ZBTB11: variants seen among roughly 807,000 people sequenced by gnomAD.
ZBTB11 encodes zinc finger and BTB domain-containing protein 11.
ZBTB11 carries 68 observed loss-of-function variants against 113.1 expected under a neutral mutation model. That is an observed-to-expected ratio of 0.60 (90% confidence interval 0.49 to 0.74). ZBTB11 has a LOEUF of 0.74. Among genes scored for constraint, ZBTB11 ranks in the 30% least tolerant of loss-of-function variants. The pLI, the probability that ZBTB11 is intolerant of heterozygous loss-of-function variation, is 0.00. For synonymous variants in ZBTB11, 518 were observed against 452.6 expected (o/e 1.14, Z -1.83); for missense variants, 1,104 against 1,279.4 (o/e 0.86, Z 2.09).
rs753040977 is a variant in ZBTB11, at chr3:101,665,269, T to C, written c.1318A>G (p.Lys440Glu). 6.2e-6 allele frequency: 10 copies of C among 1,614,246 alleles called. No homozygotes were observed. The highest frequency in any genetic ancestry group is 8.5e-6 in the Non-Finnish European group (10 of 1,180,032). Reference protein sequence around the residue: ...ENNTVSNIHPKLSKENVISSS... With the variant: ...ENNTVSNIHPELSKENVISSS... ...CTAATTACATTCTCTTTTGAAAGTTTAGGGTGTATATTAGAAACTGTGTTA... is the reference window on the plus strand; with the variant it reads ...CTAATTACATTCTCTTTTGAAAGTTCAGGGTGTATATTAGAAACTGTGTTA... The change falls in exon 4 of 11, where the codon AAA becomes GAA. Residue 440 changes from lysine (K) to glutamate (E), a missense_variant. Lys to Glu is a moderately conservative substitution (Grantham distance 56). Around this residue, in one of 5 missense-constraint regions of ZBTB11, gnomAD observed 535 missense variants for 518.6 expected, o/e 1.03. Coordinates refer to ENST00000312938, the MANE Select transcript of ZBTB11 (RefSeq NM_014415.4).
In ZBTB11 at chr3:101,677,089, A is replaced by G; in HGVS notation, c.-175T>C. On this transcript the variant is annotated 5_prime_UTR_variant, in exon 1 of 11. Transcript: ENST00000312938. ...AGGAAAAGCGGGCGAGTTGGTAACC[A>G]GGGGGAACTGCACTTCTCCAGCGCG... 1 of 689,124 alleles carries G rather than the reference A, an allele frequency of 1.5e-6. No individual in the cohort carries two copies. The highest frequency in any genetic ancestry group is 2.3e-6 in the Non-Finnish European group (1 of 438,496). 42.7% of individuals were successfully genotyped at this position (689,124 alleles called of 1,614,324 possible). A position where few individuals can be genotyped will look rare whatever the true frequency, so the allele number is the denominator to read the frequency against.
At position 101,676,879 on chromosome 3, in the gene ZBTB11, A is replaced by G; in HGVS notation, c.36T>C (p.Arg12=). 6.2e-7 allele frequency: 1 copy of G among 1,602,062 alleles called. No homozygotes were observed. Residue 12 remains arginine, a synonymous_variant, in exon 1 of 11, where the codon CGT becomes CGC. Coordinates refer to ENST00000312938, the MANE Select transcript of ZBTB11 (RefSeq NM_014415.4). ...SSEESYRAIL[R]YLTNEREPYA... is the part of the protein sequence containing the mutation. The stretch of plus-strand genomic sequence containing the variant: ...ACGGCTCGCGCTCGTTCGTCAGGTA[A>G]CGCAGGATGGCCCGGTAGCTTTCCT...
Position 101,671,241 on chromosome 3 carries a change from C to T in ZBTB11, c.667G>A (p.Glu223Lys), listed in dbSNP as rs1367642489. ...ACAGATTTATGAGCTTTGTACTCTT[C>T]TCCTTCAATTAACAAAGTAACATCA... ...FCDVTLLIEG[E>K]EYKAHKSVLS... The change falls in exon 3 of 11, where the codon GAA becomes AAA. Residue 223 changes from glutamate to lysine, a missense_variant. Physicochemically the swap from Glu to Lys is moderately conservative, Grantham distance 56. Coordinates refer to ENST00000312938, the MANE Select transcript of ZBTB11 (RefSeq NM_014415.4). 1 of 1,614,160 alleles carries T rather than the reference C, an allele frequency of 6.2e-7. No individual in the cohort carries two copies. The highest frequency in any genetic ancestry group is 2.2e-5 in the East Asian group (1 of 44,874).
rs939265305 is a variant in ZBTB11, at chr3:101,670,120, G to A, written c.778+1010C>T. ...TGGGATTACAGGCAGGAGCCACTGC[G>A]CCTGGCCGTTATTATTGCTTTCTAT... On this transcript the variant is annotated intron_variant, in intron 3 of 10. Transcript: ENST00000312938. 8.5e-5 allele frequency among the ~76,000 whole-genome samples: 13 copies of A among 152,280 alleles called. No homozygotes were observed. In the East Asian group the frequency reaches 1.5e-3, roughly 18 times the overall value.
At chr3:101,657,156 AC>A (rs1165950395) in intron 6 of ZBTB11, among the ~76,000 whole-genome samples, 15 of 149,760 alleles carry the variant, frequency 1.0e-4, no homozygotes, top group African/African-American at 3.4e-4. Context: ...AAAAAAAAAA[AC>A]AAAAAACCCA....
rs750589853 is a variant in ZBTB11, at chr3:101,659,882, C to T, written c.1947G>A (p.Arg649=). 16 of 1,614,046 alleles carry T rather than the reference C, an allele frequency of 9.9e-6. No homozygotes were observed. In the South Asian group the frequency reaches 1.4e-4, roughly 14 times the overall value. The change falls in exon 6 of 11, where the codon CGG becomes CGA. Residue 649 remains arginine (R), a synonymous_variant. Transcript: ENST00000312938. Reference sequence around the variant, plus strand: ...TTCCACATATGGAACATATAAATTCCCGCTTGGTTCTGCCCTTCTCAGATG... The same window carrying T: ...TTCCACATATGGAACATATAAATTCTCGCTTGGTTCTGCCCTTCTCAGATG... ...GTSSEKGRTK[R]EFICSICGRT... is the part of the protein sequence containing the mutation.
At chr3:101,654,921 T>C (rs1311528186) in intron 7 of ZBTB11, 100 bp from the exon 8 acceptor site, 13 of 851,168 alleles carry the variant, frequency 1.5e-5, no homozygotes, top group Non-Finnish European at 2.3e-5. Context: ...TTGCCCAGGT[T>C]GGATGGAGTG....
In ZBTB11 at chr3:101,676,938, C is replaced by G; in HGVS notation, c.-24G>C. 6.5e-7 allele frequency: 1 copy of G among 1,542,752 alleles called. No individual in the cohort carries two copies. The highest frequency in any genetic ancestry group is 8.8e-7 in the Non-Finnish European group (1 of 1,141,416). On this transcript the variant is annotated 5_prime_UTR_variant, in exon 1 of 11. Coordinates refer to ENST00000312938, the MANE Select transcript of ZBTB11 (RefSeq NM_014415.4). The stretch of plus-strand genomic sequence containing the variant: ...ATCGCGGACCGCGGCTCCCTGAGGG[C>G]GCCTGTCAGGGACAGGTGAGGAAAA...
At position 101,676,708 on chromosome 3, in the gene ZBTB11, CT is replaced by C. The variant is rs1399609990; in HGVS notation, c.206del (p.Glu69GlyfsTer38). The C allele has an allele frequency of 1.3e-6, 2 of 1,597,972 alleles. No homozygotes were observed. The highest frequency in any genetic ancestry group is 1.7e-6 in the Non-Finnish European group (2 of 1,172,038). ...FAELEVVLQP[E>X]RRRDLIEAAH... ...CCGCCTCGATGAGGTCCCGGCGTCG[CT>C]CCGGCTGCAGCACCACCTCCAGCTC... is the stretch of plus-strand genomic sequence containing the variant. On this transcript the variant is annotated frameshift_variant, in exon 1 of 11. Coordinates refer to ENST00000312938, the MANE Select transcript of ZBTB11 (RefSeq NM_014415.4). LOFTEE classifies it high-confidence loss of function.
At position 101,659,827 on chromosome 3, in the gene ZBTB11, T is replaced by G. The variant is rs2108319182; in HGVS notation, c.2002A>C (p.Ile668Leu). ...ACACCTGTGTGCTTTAACATATGTA[T>G]TCGGAGAGAATATAATTTAGGTAAT... Reference protein sequence around the residue: ...RTLPKLYSLRIHMLKHTGVKP... With the variant: ...RTLPKLYSLRLHMLKHTGVKP... The change falls in exon 6 of 11, where the codon ATA (isoleucine) becomes CTA (leucine). Residue 668 changes from isoleucine to leucine, a missense_variant. Coordinates refer to ENST00000312938, the MANE Select transcript of ZBTB11 (RefSeq NM_014415.4). The G allele has an allele frequency of 6.2e-7, 1 of 1,614,222 alleles. No individual in the cohort carries two copies. The highest frequency in any genetic ancestry group is 2.2e-5 in the East Asian group (1 of 44,882).
chr3:101,671,249 A>G lies in ZBTB11; in HGVS notation c.659T>C (p.Ile220Thr). 1 of 1,614,178 alleles carries G rather than the reference A, an allele frequency of 6.2e-7. No homozygotes were observed. The highest frequency in any genetic ancestry group is 8.5e-7 in the Non-Finnish European group (1 of 1,180,002). Residue 220 changes from isoleucine (I) to threonine (T), a missense_variant, in exon 3 of 11, where the codon ATT (isoleucine) becomes ACT (threonine). Physicochemically the swap from Ile to Thr is moderately conservative, Grantham distance 89 (BLOSUM62 -1). This residue lies in a region of ZBTB11 where 86 missense variants were observed against 131.0 expected (regional missense o/e 0.66). Transcript: ENST00000312938. ...SNQFCDVTLL[I>T]EGEEYKAHKS... ...ATGAGCTTTGTACTCTTCTCCTTCA[A>G]TTAACAAAGTAACATCACAGAACTG... is the stretch of plus-strand genomic sequence containing the variant.
intron 1 of ZBTB11, 59 bp from the exon 2 acceptor site, chr3:101,672,272 T>A: frequency 4.1e-6 from 5 of 1,222,294 alleles, no homozygotes; most frequent in Non-Finnish European, 4.6e-6. Flanking sequence ...CAGAATATAT[T>A]ATTTAGTCTG....
In ZBTB11 at chr3:101,664,420, A is replaced by T. The variant is rs940551914; in HGVS notation, c.1800+118T>A. On this transcript the variant is annotated intron_variant, in intron 5 of 10. Coordinates refer to ENST00000312938, the MANE Select transcript of ZBTB11 (RefSeq NM_014415.4). ...AAATGACATGCACATTTAAATAAGA[A>T]GATGACTCTTATAGCCATATAAGAC... 2.4e-5 allele frequency: 24 copies of T among 981,848 alleles called. No individual in the cohort carries two copies. In the Admixed American group the frequency reaches 3.3e-4, roughly 13 times the overall value. The allele number at this position is 981,848 out of a possible 1,614,324, so 60.8% of individuals were successfully genotyped here. A position where few individuals can be genotyped will look rare whatever the true frequency, so the allele number is the denominator to read the frequency against.
intron 6 of ZBTB11, among the ~76,000 whole-genome samples, chr3:101,658,592 C>T (rs1405467375): frequency 1.3e-5 from 2 of 152,086 alleles, no homozygotes; most frequent in Admixed American, 6.6e-5. Context: ...GGTGCCACCT[C>T]GGCTCACGGC....
At chr3:101,657,982 TAAGA>T (rs1936826378) in intron 6 of ZBTB11, among the ~76,000 whole-genome samples, 1 of 152,232 alleles carries the variant, frequency 6.6e-6, no homozygotes, top group Admixed American at 6.5e-5. Flanking sequence ...GCCTGGGTAA[TAAGA>T]AAGACCCTGT....
intron 1 of ZBTB11, among the ~76,000 whole-genome samples, chr3:101,674,860 A>G (rs1937138237): frequency 1.3e-5 from 2 of 152,250 alleles, no homozygotes; most frequent in South Asian, 2.1e-4. Context: ...AAAATACCAC[A>G]TAACACTGGG....
rs570930317 is a variant in ZBTB11, at chr3:101,676,321, C to T, written c.310+284G>A. Among the ~76,000 whole-genome samples the T allele has an allele frequency of 3.3e-5, 5 of 152,348 alleles. No individual in the cohort carries two copies. The East Asian group carries it at 9.7e-4, about 29-fold the overall frequency. The stretch of plus-strand genomic sequence containing the variant: ...GGGCCGCCCAAGGAGGCGGACCTGG[C>T]GCAGCCCAGGCGTCCGGCCCCTCCC... On this transcript the variant is annotated intron_variant, in intron 1 of 10. Transcript: ENST00000312938.
rs1432515347 is a variant in ZBTB11 at position 101,670,001 on chromosome 3, C to T, written c.778+1129G>A. 3.3e-5 allele frequency among the ~76,000 whole-genome samples: 5 copies of T among 152,106 alleles called. No homozygotes were observed. The East Asian group carries it at 9.7e-4, about 29-fold the overall frequency. The stretch of plus-strand genomic sequence containing the variant: ...GCGCCACCGTGCCCAACTAATTTTG[C>T]ATTTTTAGTAGAGACAGGGTTTCTC... On this transcript the variant is annotated intron_variant, in intron 3 of 10. Transcript: ENST00000312938.
chr3:101,675,899 T>C (rs1294585757), intron 1 of ZBTB11, among the ~76,000 whole-genome samples: 1 of 152,116 alleles, frequency 6.6e-6, no homozygotes, highest in African/African-American at 2.4e-5. Flanking sequence ...GGAGACCAGC[T>C]TGGGGAACGA....
Sources: gnomAD v4.1 joint callset for allele counts (sites outside exome capture counted in the v4.1 genomes callset) on GRCh38, gnomAD v4.1.1 for gene constraint, gnomAD v4.1.1 regional missense constraint, MANE v1.5 for transcripts, NCBI Gene and HGNC (gene_info 2026-07-23, HGNC 2026-07-21) for gene names.